The following TIMP2 variants were observed in gnomAD, a reference collection of about 807,000 sequenced individuals.
TIMP2 encodes the protein TIMP metallopeptidase inhibitor 2.
A neutral mutation model predicts 24.3 loss-of-function variants in TIMP2; 5 were observed. The observed-to-expected ratio is 0.21, with a 90% confidence interval of 0.11 to 0.43. The LOEUF is 0.43. TIMP2 is among the 20% of genes least tolerant of loss of function. The pLI is 1.00. For missense variants in TIMP2, 221 were observed against 297.5 expected, an observed-to-expected ratio of 0.74 and a Z score of 1.89; for synonymous variants, 130 against 123.2, an observed-to-expected ratio of 1.06 and a Z score of -0.37.
intron 1 of TIMP2, among the ~76,000 whole-genome samples, chr17:78,895,350 T>C (rs2069982287): frequency 6.6e-6 from 1 of 152,210 alleles, no homozygotes; most frequent in South Asian, 2.1e-4. Context: ...AACATAGATG[T>C]GTGGCTAATA....
intron 1 of TIMP2, among the ~76,000 whole-genome samples, chr17:78,908,260 C>T (rs1400879653): frequency 6.6e-6 from 1 of 152,180 alleles, no homozygotes; most frequent in African/African-American, 2.4e-5. Flanking sequence ...GTAAGATAAG[C>T]AAGACGGAGA....
chr17:78,911,559 C>T (rs1242469366), intron 1 of TIMP2, among the ~76,000 whole-genome samples: 1 of 152,038 alleles, frequency 6.6e-6, no homozygotes, highest in Non-Finnish European at 1.5e-5. Flanking sequence ...TCCCGAGTAG[C>T]TGGGATTACA....
chr17:78,860,147 G>T (rs1042339633), intron 3 of TIMP2, among the ~76,000 whole-genome samples: 8 of 152,132 alleles, frequency 5.3e-5, no homozygotes, highest in Non-Finnish European at 8.8e-5. Context: ...CTGCACTCCA[G>T]CCTGGGTGAC....
At chr17:78,873,146 C>T (rs1000376597) in intron 2 of TIMP2, among the ~76,000 whole-genome samples, 2 of 151,984 alleles carry the variant, frequency 1.3e-5, no homozygotes, top group Admixed American at 6.6e-5. Context: ...AATTAAATAT[C>T]GATGACTACA....
At chr17:78,888,674 T>TTCCTGGGCTCAAGTGATCC (rs2069848820) in intron 1 of TIMP2, among the ~76,000 whole-genome samples, 1 of 152,104 alleles carries the variant, frequency 6.6e-6, no homozygotes, top group Non-Finnish European at 1.5e-5. Context: ...TGGTCTCGAA[T>TTCCTGGGCTCAAGTGATCC]TCCTGGGCTC....
Position 78,924,741 on chromosome 17 carries a change from CGCATCTCG to C in TIMP2, c.130+210_130+217del, listed in dbSNP as rs1354691702. ...TTTCGGTGGAATTTTGAGGTTGAGA[CGCATCTCG>C]GCAAAGAGAGGGAAAGAAAGGGAGA... is the stretch of plus-strand genomic sequence containing the variant. On this transcript the variant is annotated intron_variant, in intron 1 of 4. Transcript: ENST00000262768. This position sits in a 1 kb window ranked among gnomAD's most constrained non-coding sequence, Gnocchi z 5.3. Among the ~76,000 whole-genome samples the C allele has an allele frequency of 6.6e-6, 1 of 151,962 alleles. No homozygotes were observed. Among genetic ancestry groups the C allele is most frequent in the East Asian group, 1.9e-4 (1 of 5,140 alleles).
At chr17:78,880,817 T>C (rs2069773015) in intron 1 of TIMP2, among the ~76,000 whole-genome samples, 1 of 152,266 alleles carries the variant, frequency 6.6e-6, no homozygotes, top group African/African-American at 2.4e-5. Context: ...GCTATATGTA[T>C]AAATATACCA....
chr17:78,872,263 T>G (rs1177628790), intron 2 of TIMP2, among the ~76,000 whole-genome samples: 1 of 151,946 alleles, frequency 6.6e-6, no homozygotes, highest in Non-Finnish European at 1.5e-5. Context: ...AGTTCTGGGA[T>G]TACAGGCATA....
chr17:78,855,512 C>A lies in TIMP2; in HGVS notation c.*155G>T. ...TCTCCCTCCAGACCCACAACCATGTCTAAAAGGAGAAGGGGGGAGCAGAAT... is the reference window on the plus strand; with the variant it reads ...TCTCCCTCCAGACCCACAACCATGTATAAAAGGAGAAGGGGGGAGCAGAAT... On this transcript the variant is annotated 3_prime_UTR_variant, in exon 5 of 5. Transcript: ENST00000262768. The surrounding 1 kb of genome is among the most constrained non-coding windows in gnomAD (Gnocchi z 6.0). The A allele has an allele frequency of 1.1e-6, 1 of 920,314 alleles. No homozygotes were observed. The highest frequency in any genetic ancestry group is 2.5e-5 in the Admixed American group (1 of 39,312). The allele number at this position is 920,314 out of a possible 1,614,324, so 57.0% of individuals were successfully genotyped here. A position where few individuals can be genotyped will look rare whatever the true frequency, so the allele number is the denominator to read the frequency against.
At position 78,854,488 on chromosome 17, in the gene TIMP2, T is replaced by G. The variant is rs1318978599; in HGVS notation, c.*1179A>C. 2.0e-5 allele frequency: 3 copies of G among 152,042 alleles called. No homozygotes were observed. The highest frequency in any genetic ancestry group is 4.4e-5 in the Non-Finnish European group (3 of 68,024). 9.4% of individuals were successfully genotyped at this position (152,042 alleles called of 1,614,324 possible). On this transcript the variant is annotated 3_prime_UTR_variant, in exon 5 of 5. Coordinates refer to ENST00000262768, the MANE Select transcript of TIMP2 (RefSeq NM_003255.5). ...CACCTTTAGAAAAATAAGATGTCTC[T>G]TAAAACAGGCCATAGTGTCCTGGAG...
In TIMP2 at chr17:78,896,799, G is replaced by A. The variant is rs891686517; in HGVS notation, c.131-22880C>T. ...TCCCACAGAGCGGAGTGGACACTGGGCCCATTCTCCTCTCTTGCTCTCTAC... is the reference window on the plus strand; with the variant it reads ...TCCCACAGAGCGGAGTGGACACTGGACCCATTCTCCTCTCTTGCTCTCTAC... On this transcript the variant is annotated intron_variant, in intron 1 of 4. Coordinates refer to ENST00000262768, the MANE Select transcript of TIMP2 (RefSeq NM_003255.5). This position sits in a 1 kb window ranked among gnomAD's most constrained non-coding sequence, Gnocchi z 4.4. 1 of 446,392 alleles carries A rather than the reference G, an allele frequency of 2.2e-6. No individual in the cohort carries two copies. The highest frequency in any genetic ancestry group is 2.2e-5 in the African/African-American group (1 of 46,500). 27.7% of individuals were successfully genotyped at this position (446,392 alleles called of 1,614,324 possible).
At chr17:78,913,695 A>C (rs1307842056) in intron 1 of TIMP2, among the ~76,000 whole-genome samples, 1 of 151,974 alleles carries the variant, frequency 6.6e-6, no homozygotes, top group Non-Finnish European at 1.5e-5. Context: ...TGGGTGACAG[A>C]GCAAGAACCT....
At chr17:78,895,294 T>C (rs1325855854) in intron 1 of TIMP2, among the ~76,000 whole-genome samples, 6 of 151,810 alleles carry the variant, frequency 4.0e-5, no homozygotes, top group Admixed American at 3.9e-4. Context: ...AATAAATAAA[T>C]AAAAATAAAA....
intron 1 of TIMP2, among the ~76,000 whole-genome samples, chr17:78,906,865 G>A (rs1210969000): frequency 2.6e-5 from 4 of 152,140 alleles, no homozygotes; most frequent in African/African-American, 7.2e-5. Context: ...TTACAGGCGT[G>A]AGCCACCGTG....
intron 1 of TIMP2, among the ~76,000 whole-genome samples, chr17:78,921,514 C>T (rs762991953): frequency 2.0e-5 from 3 of 152,206 alleles, no homozygotes; most frequent in South Asian, 4.1e-4. Context: ...TGCCAAGTAG[C>T]TCAGCTGGCT....
chr17:78,893,234 C>G (rs1568001034), intron 1 of TIMP2, among the ~76,000 whole-genome samples: 1 of 96,730 alleles, frequency 1.0e-5, no homozygotes, highest in East Asian at 3.3e-4. Context: ...GGTGTGTGTG[C>G]ATGTGTGTGT....
At chr17:78,872,426 C>T (rs1361083826) in intron 2 of TIMP2, among the ~76,000 whole-genome samples, 1 of 152,120 alleles carries the variant, frequency 6.6e-6, no homozygotes, top group Non-Finnish European at 1.5e-5. Context: ...CACAGCCTTT[C>T]AGGAACGCAC....
In TIMP2 at chr17:78,914,260, C is replaced by CATTTATTCATTTATTT. The variant is rs1555652633; in HGVS notation, c.130+10698_130+10699insAAATAAATGAATAAAT. On this transcript the variant is annotated intron_variant, in intron 1 of 4. Coordinates refer to ENST00000262768, the MANE Select transcript of TIMP2 (RefSeq NM_003255.5). ...ATCTGCCTTCGAAATTTTGGCTATT[C>CATTTATTCATTTATTT]ATTTATTTATTTATTTATTTATTTA... 2.8e-4 allele frequency among the ~76,000 whole-genome samples: 27 copies of CATTTATTCATTTATTT among 97,128 alleles called. No homozygotes were observed. In the East Asian group the frequency reaches 4.5e-3, roughly 16 times the overall value. The allele number at this position is 97,128 out of a possible 152,430, so 63.7% of individuals were successfully genotyped here. A position where few individuals can be genotyped will look rare whatever the true frequency, so the allele number is the denominator to read the frequency against.
At chr17:78,857,921 T>A (rs1052836801) in intron 3 of TIMP2, among the ~76,000 whole-genome samples, 1 of 151,428 alleles carries the variant, frequency 6.6e-6, no homozygotes, top group African/African-American at 2.4e-5. Context: ...ATACAAAAAA[T>A]TAGCCGGGTG....
Sources: allele counts gnomAD v4.1 joint callset (sites outside exome capture counted in the v4.1 genomes callset), GRCh38; gene constraint gnomAD v4.1.1; non-coding constraint Gnocchi (gnomAD v3.1); transcripts MANE v1.5; gene names NCBI Gene and HGNC (gene_info 2026-07-23, HGNC 2026-07-21).